The following PHLPP1 variants were observed in gnomAD, a reference collection of about 807,000 sequenced individuals.
PHLPP1 encodes PH domain leucine-rich repeat-containing protein phosphatase 1.
In PHLPP1, 42 loss-of-function variants were observed where a neutral mutation model predicts 117.2. The ratio of observed to expected loss-of-function variants is 0.36; its 90% CI spans 0.28 to 0.46. PHLPP1 has a LOEUF of 0.46. PHLPP1 is among the 20% of genes least tolerant of loss of function. The pLI, the probability that PHLPP1 is intolerant of heterozygous loss-of-function variation, is 1.00. For missense variants in PHLPP1, 2,084 were observed against 2,241.9 expected (o/e 0.93, Z 1.42); for synonymous variants, 1,042 against 970.7 (o/e 1.07, Z -1.37).
At chr18:62,845,642 T>C (rs1356877677) in intron 3 of PHLPP1, among the ~76,000 whole-genome samples, 1 of 152,210 alleles carries the variant, frequency 6.6e-6, no homozygotes, top group Non-Finnish European at 1.5e-5. Flanking sequence ...CCCTTTAATA[T>C]GACTTAGACG....
chr18:62,938,932 G>A (rs1910049510), intron 10 of PHLPP1, among the ~76,000 whole-genome samples: 1 of 150,936 alleles, frequency 6.6e-6, no homozygotes, highest in South Asian at 2.1e-4. Context: ...GTGTTTGTGT[G>A]TGTATAACTA....
At chr18:62,862,461 A>C (rs1915657386) in intron 4 of PHLPP1, among the ~76,000 whole-genome samples, 2 of 152,152 alleles carry the variant, frequency 1.3e-5, no homozygotes, top group African/African-American at 4.8e-5. Flanking sequence ...AGTTTTCCAA[A>C]ATTTTAATTT....
intron 4 of PHLPP1, among the ~76,000 whole-genome samples, chr18:62,870,670 G>A (rs1276662183): frequency 1.3e-5 from 2 of 152,176 alleles, no homozygotes; most frequent in East Asian, 3.8e-4. Flanking sequence ...TAGGAGTTCA[G>A]AGACATTTTA....
At chr18:62,719,988 A>G (rs138107535) in intron 1 of PHLPP1, among the ~76,000 whole-genome samples, 1 of 152,306 alleles carries the variant, frequency 6.6e-6, no homozygotes, top group African/African-American at 2.4e-5. Context: ...TAAAGGTACT[A>G]TCTAATTACA....
intron 1 of PHLPP1, among the ~76,000 whole-genome samples, chr18:62,780,715 G>A (rs1288008800): frequency 6.6e-6 from 1 of 152,210 alleles, no homozygotes; most frequent in Admixed American, 6.5e-5. Context: ...TATCACTGCT[G>A]ATCCAAGAAC....
chr18:62,976,881 C>T (rs1365019952), intron 16 of PHLPP1, among the ~76,000 whole-genome samples: 2 of 152,158 alleles, frequency 1.3e-5, no homozygotes, highest in African/African-American at 2.4e-5. Context: ...TGTCTGCCCA[C>T]GTCATTTTTT....
intron 1 of PHLPP1, among the ~76,000 whole-genome samples, chr18:62,737,396 G>A (rs1028262802): frequency 1.3e-5 from 2 of 152,224 alleles, no homozygotes; most frequent in African/African-American, 4.8e-5. Context: ...AAGTCAAGTG[G>A]AGAATGACAT....
intron 1 of PHLPP1, among the ~76,000 whole-genome samples, chr18:62,730,493 TAGAGAG>T (rs112256859): frequency 1.3e-5 from 2 of 151,712 alleles, no homozygotes; most frequent in African/African-American, 4.8e-5. Context: ...CCTCATTTAT[TAGAGAG>T]AGAGAGAAAA....
intron 10 of PHLPP1, among the ~76,000 whole-genome samples, chr18:62,938,400 C>G (rs1277707667): frequency 6.6e-6 from 1 of 152,172 alleles, no homozygotes; most frequent in Non-Finnish European, 1.5e-5. Flanking sequence ...TTTGTTCGTT[C>G]TGGTGGAAGG....
At chr18:62,922,113 G>GC (rs1303837603) in intron 10 of PHLPP1, among the ~76,000 whole-genome samples, 84 of 133,012 alleles carry the variant, frequency 6.3e-4, no homozygotes, top group African/African-American at 1.9e-3. Context: ...TTGGTTTTGG[G>GC]TTTTTTGTTT....
intron 12 of PHLPP1, among the ~76,000 whole-genome samples, chr18:62,945,671 C>T (rs1287834196): frequency 1.3e-5 from 2 of 152,224 alleles, no homozygotes; most frequent in Admixed American, 6.5e-5. Context: ...TCGCTCCCTA[C>T]CAACTCACCC....
At chr18:62,941,115 T>C (rs2144452645) in intron 10 of PHLPP1, among the ~76,000 whole-genome samples, 1 of 152,366 alleles carries the variant, frequency 6.6e-6, no homozygotes, top group Non-Finnish European at 1.5e-5. Flanking sequence ...TTATGTTGTT[T>C]TAATAGAGAG....
At chr18:62,901,628 CT>C (rs543110023) in intron 6 of PHLPP1, among the ~76,000 whole-genome samples, 89 of 142,722 alleles carry the variant, frequency 6.2e-4, no homozygotes, top group Admixed American at 6.3e-4. Context: ...CTCCTTTTTT[CT>C]TTTTTTTTTT....
rs371914417 is a variant in PHLPP1 at position 62,771,723 on chromosome 18, G to A, written c.1576+54464G>A. On this transcript the variant is annotated intron_variant, in intron 1 of 16. Coordinates refer to ENST00000262719, the MANE Select transcript of PHLPP1 (RefSeq NM_194449.4). The stretch of plus-strand genomic sequence containing the variant: ...AAATGTTTCCTCTAGAGTCATCTGC[G>A]TCGTTAACACTGGTTTTGATCTTAG... 1.4e-3 allele frequency among the ~76,000 whole-genome samples: 219 copies of A among 152,288 alleles called. 8 individuals carry two copies. In the South Asian group the frequency reaches 0.043, roughly 30 times the overall value.
chr18:62,898,990 G>C (rs1370294095), intron 6 of PHLPP1, among the ~76,000 whole-genome samples: 3 of 151,954 alleles, frequency 2.0e-5, no homozygotes, highest in South Asian at 4.1e-4. Context: ...AGTAGAGACA[G>C]GGTTTCACCA....
chr18:62,776,156 G>T (rs1392420349), intron 1 of PHLPP1, among the ~76,000 whole-genome samples: 1 of 152,170 alleles, frequency 6.6e-6, no homozygotes, highest in African/African-American at 2.4e-5. Flanking sequence ...AAGCTGACAG[G>T]CTGGAAACTC....
At chr18:62,768,266 C>G (rs1478520671) in intron 1 of PHLPP1, among the ~76,000 whole-genome samples, 1 of 152,154 alleles carries the variant, frequency 6.6e-6, no homozygotes, top group Non-Finnish European at 1.5e-5. Context: ...TCAATATTGT[C>G]TCCCTTTTTT....
rs150607454 is a variant in PHLPP1 at position 62,730,459 on chromosome 18, A to G, written c.1576+13200A>G. Among the ~76,000 whole-genome samples the G allele has an allele frequency of 3.3e-3, 498 of 152,248 alleles. 2 individuals are homozygous for G. Among genetic ancestry groups the G allele is most frequent in the African/African-American group, 0.011 (469 of 41,544 alleles). Reference sequence around the variant, plus strand: ...CTTCTTTACATGATGTGAGACCTATAGTAAACCCCTTAACCTCCTTCAGCC... The same window carrying G: ...CTTCTTTACATGATGTGAGACCTATGGTAAACCCCTTAACCTCCTTCAGCC... On this transcript the variant is annotated intron_variant, in intron 1 of 16. Coordinates refer to ENST00000262719, the MANE Select transcript of PHLPP1 (RefSeq NM_194449.4).
At position 62,715,748 on chromosome 18, in the gene PHLPP1, C is replaced by T. The variant is rs1000287404; in HGVS notation, c.65C>T (p.Ser22Leu). The T allele has an allele frequency of 2.5e-6, 3 of 1,186,312 alleles. No homozygotes were observed. The highest frequency in any genetic ancestry group is 3.3e-4 in the Middle Eastern group (1 of 3,028). 73.5% of individuals were successfully genotyped at this position (1,186,312 alleles called of 1,614,324 possible). A position where few individuals can be genotyped will look rare whatever the true frequency, so the allele number is the denominator to read the frequency against. ...GAGCTCGGCAGGGAGGACCGAGCTT[C>T]GGCTCCGGCGGCCGCCGCTGCGGCA... is the stretch of plus-strand genomic sequence containing the variant. ...LPELGREDRA[S>L]APAAAAAAAA... The change falls in exon 1 of 17, where the codon TCG becomes TTG. Residue 22 changes from serine (S) to leucine (L), a missense_variant. Physicochemically the swap from Ser to Leu is moderately radical, Grantham distance 145. This residue lies in a region of PHLPP1 where 719 missense variants were observed against 636.0 expected (regional missense o/e 1.13). Transcript: ENST00000262719.
Sources: gnomAD v4.1 joint callset for allele counts (sites outside exome capture counted in the v4.1 genomes callset) on GRCh38, gnomAD v4.1.1 for gene constraint, gnomAD v4.1.1 regional missense constraint, MANE v1.5 for transcripts, NCBI Gene and HGNC (gene_info 2026-07-23, HGNC 2026-07-21) for gene names.